The following ABCC6 variants were observed in gnomAD, a reference collection of about 807,000 sequenced individuals.
The protein encoded by ABCC6 is ATP-binding cassette sub-family C member 6.
Under a neutral mutation model 169.5 loss-of-function variants are expected in ABCC6, and 126 were observed. That is an observed-to-expected ratio of 0.74 (90% CI 0.64 to 0.86). The LOEUF (loss-of-function observed/expected upper bound fraction) is 0.86, where lower values mean the gene tolerates loss of function less well. Among genes scored for constraint, ABCC6 ranks in the 40% least tolerant of loss-of-function variants. The pLI is 0.00. For missense variants in ABCC6, 1,733 were observed against 1,927.2 expected (o/e 0.90, Z 1.89); for synonymous variants, 752 against 814.7 (o/e 0.92, Z 1.31).
intron 21 of ABCC6, among the ~76,000 whole-genome samples, chr16:16,172,064 AGTGG>A (rs1295203038): frequency 6.7e-3 from 113 of 16,810 alleles, no homozygotes; most frequent in African/African-American, 0.01. Context: ...TGGATAAATG[AGTGG>A]GTGGGATGGA....
In ABCC6 at chr16:16,203,390, A is replaced by G. The variant is rs2048303038; in HGVS notation, c.998+20T>C. ...AAGAGACCACCCACCTTAGCAGGGC[A>G]CTTGAGGTCTGGGACTCACCTGAGC... On this transcript the variant is annotated intron_variant, in intron 8 of 30. Transcript: ENST00000205557. 1 of 1,613,778 alleles carries G rather than the reference A, an allele frequency of 6.2e-7. No individual in the cohort carries two copies. The highest frequency in any genetic ancestry group is 1.3e-5 in the African/African-American group (1 of 74,916).
intron 4 of ABCC6, among the ~76,000 whole-genome samples, chr16:16,214,974 G>C (rs549686012): frequency 2.7e-4 from 41 of 152,172 alleles, no homozygotes; most frequent in Non-Finnish European, 4.8e-4. Flanking sequence ...CCAGGGCTGC[G>C]TCTGGGTTTT....
chr16:16,170,097 T>TC (rs143590070), intron 21 of ABCC6, among the ~76,000 whole-genome samples: 10 of 109,370 alleles, frequency 9.1e-5, no homozygotes, highest in African/African-American at 1.0e-4. Flanking sequence ...TTTTTTCTTT[T>TC]GTTTTTTTTT....
At chr16:16,208,971 C>G in intron 6 of ABCC6, 112 bp from the exon 7 acceptor site, 1 of 1,460,924 alleles carries the variant, frequency 6.8e-7, no homozygotes. Context: ...CTCTGTACCT[C>G]TACTGGCCCC....
In ABCC6 at chr16:16,192,587, G is replaced by A. The variant is rs564805100; in HGVS notation, c.1431+243C>T. Among the ~76,000 whole-genome samples, 94 of 152,286 alleles carry A rather than the reference G, an allele frequency of 6.2e-4. 2 individuals are homozygous for A. Among genetic ancestry groups the A allele is most frequent in the Admixed American group, 3.9e-3 (59 of 15,292 alleles). ...GCAAATCTGCTGACAGATGGGATGTGAGAGAAAAAGGCATTGAACTGACCC... is the reference window on the plus strand; with the variant it reads ...GCAAATCTGCTGACAGATGGGATGTAAGAGAAAAAGGCATTGAACTGACCC... On this transcript the variant is annotated intron_variant, in intron 11 of 30. Transcript: ENST00000205557.
intron 14 of ABCC6, among the ~76,000 whole-genome samples, chr16:16,186,850 A>G (rs1375658356): frequency 1.3e-5 from 2 of 152,056 alleles, no homozygotes; most frequent in African/African-American, 4.8e-5. Context: ...GGTGCCAAAA[A>G]GCTTGGGGAC....
chr16:16,152,019 T>C (rs891982371), intron 29 of ABCC6, among the ~76,000 whole-genome samples: 8 of 151,572 alleles, frequency 5.3e-5, no homozygotes, highest in African/African-American at 1.9e-4. Flanking sequence ...GGTGAAACCC[T>C]GTATGTACTA....
At position 16,208,860 on chromosome 16, in the gene ABCC6, C is replaced by A; in HGVS notation, c.663-1G>T. 1 of 1,613,486 alleles carries A rather than the reference C, an allele frequency of 6.2e-7. No homozygotes were observed. The highest frequency in any genetic ancestry group is 8.5e-7 in the Non-Finnish European group (1 of 1,179,736). On this transcript the variant is annotated splice_acceptor_variant, in intron 6 of 30. Coordinates refer to ENST00000205557, the MANE Select transcript of ABCC6 (RefSeq NM_001171.6). LOFTEE classifies it high-confidence loss of function. ...CCTCCTGTATCCCCTCCAGACCAGG[C>A]TGCAAAAGAGGGGCACCAGGGAAAG...
intron 11 of ABCC6, among the ~76,000 whole-genome samples, chr16:16,192,186 C>T (rs914842030): frequency 2.6e-5 from 4 of 152,074 alleles, no homozygotes; most frequent in East Asian, 1.9e-4. Context: ...ACAGCTAAAG[C>T]GAAGGCCTGC....
At position 16,157,658 on chromosome 16, in the gene ABCC6, C is replaced by T. The variant is rs774245200; in HGVS notation, c.3882+5G>A. 5.6e-5 allele frequency: 90 copies of T among 1,614,022 alleles called. No homozygotes were observed. Among genetic ancestry groups the T allele is most frequent in the Non-Finnish European group, 6.9e-5 (81 of 1,180,020 alleles). On this transcript the variant is annotated splice_donor_5th_base_variant and intron_variant, in intron 27 of 30. Transcript: ENST00000205557. ...TGAAGAAGACATTGTGAGAGAACCA[C>T]TCACCTTCTCTCCTGCGTGGATCTT...
chr16:16,169,178 A>G (rs936315205), intron 22 of ABCC6, among the ~76,000 whole-genome samples: 1 of 152,260 alleles, frequency 6.6e-6, no homozygotes, highest in African/African-American at 2.4e-5. Context: ...ATCAGTTTGC[A>G]AAATATCACC....
chr16:16,176,006 C>T lies in ABCC6; in HGVS notation c.2591-20G>A. The T allele has an allele frequency of 6.2e-7, 1 of 1,612,756 alleles. No homozygotes were observed. ...CTGTTTCTGCAAGGTCAAGAGAGTC[C>T]TGTCACGCAACACGGCCCAGATACC... is the stretch of plus-strand genomic sequence containing the variant. On this transcript the variant is annotated intron_variant, in intron 19 of 30. Transcript: ENST00000205557.
chr16:16,149,891 T>G lies in ABCC6; in HGVS notation c.*242A>C. On this transcript the variant is annotated 3_prime_UTR_variant, in exon 31 of 31. Transcript: ENST00000205557. ...GCGGGGCTGAGAGTCGCTGTTGACA[T>G]TGGCTGCAGGGTGGACAGGGCGAGA... 1.2e-5 allele frequency: 7 copies of G among 595,610 alleles called. No individual in the cohort carries two copies. Among genetic ancestry groups the G allele is most frequent in the Non-Finnish European group, 1.2e-5 (4 of 333,462 alleles). The allele number at this position is 595,610 out of a possible 1,614,324, so 36.9% of individuals were successfully genotyped here. A position where few individuals can be genotyped will look rare whatever the true frequency, so the allele number is the denominator to read the frequency against.
rs1348673801 is a variant in ABCC6 at position 16,169,832 on chromosome 16, C to T, written c.2809G>A (p.Ala937Thr). ...GGGGTGCCCACGGCACGCAGGTAGG[C>T]CAGGTGCACTGTGGCCTTCACCTGT... is the stretch of plus-strand genomic sequence containing the variant. ...YGRVKATVHL[A>T]YLRAVGTPLC... Residue 937 changes from alanine (A) to threonine (T), a missense_variant, in exon 22 of 31, where the codon GCC (alanine) becomes ACC (threonine). Around this residue, in one of 5 missense-constraint regions of ABCC6, gnomAD observed 1,601 missense variants for 1,635.5 expected, o/e 0.98. Coordinates refer to ENST00000205557, the MANE Select transcript of ABCC6 (RefSeq NM_001171.6). 3.9e-6 allele frequency: 6 copies of T among 1,556,390 alleles called. No homozygotes were observed. The highest frequency in any genetic ancestry group is 2.4e-5 in the South Asian group (2 of 84,548).
In ABCC6 at chr16:16,154,777, A is replaced by G. The variant is rs750674262; in HGVS notation, c.4059T>C (p.Pro1353=). ...SIIPQDPILF[P]GSLRMNLDLL... ...GGTCGAGGTTCATCCGCAGAGAGCC[A>G]GGGAACAGGATGGGGTCCTGGCGGG... The change falls in exon 29 of 31, where the codon CCT becomes CCC. Residue 1353 remains proline, a synonymous_variant. Transcript: ENST00000205557. The G allele has an allele frequency of 1.4e-5, 22 of 1,612,258 alleles. No individual in the cohort carries two copies. The highest frequency in any genetic ancestry group is 1.9e-5 in the Non-Finnish European group (22 of 1,179,420).
chr16:16,186,543 G>A (rs962193809), intron 14 of ABCC6, among the ~76,000 whole-genome samples: 3 of 151,238 alleles, frequency 2.0e-5, no homozygotes, highest in Non-Finnish European at 4.4e-5. Context: ...ATTCTCAAAG[G>A]AGCACGAACA....
chr16:16,150,814 G>A (rs761742555), intron 29 of ABCC6, 42 bp from the exon 30 acceptor site: 35 of 1,600,440 alleles, frequency 2.2e-5, no homozygotes, highest in East Asian at 6.8e-5. Context: ...TGCGTTTGTC[G>A]GCACATGGTG....
intron 20 of ABCC6, among the ~76,000 whole-genome samples, chr16:16,175,390 G>A (rs1414281554): frequency 6.6e-6 from 1 of 152,202 alleles, no homozygotes; most frequent in African/African-American, 2.4e-5. Context: ...AGGTCCTTCT[G>A]CTGCCGACAG....
rs200010958 is a variant in ABCC6 at position 16,157,721 on chromosome 16, C to T, written c.3824G>A (p.Arg1275Gln). The stretch of plus-strand genomic sequence containing the variant: ...CTGCACAGCCAGCGGGAGCTCAGGT[C>T]GGTATCTTAGCCCAAAGTCCCGGAA... ...IEFRDFGLRY[R>Q]PELPLAVQGV... Residue 1275 changes from arginine (R) to glutamine (Q), a missense_variant, in exon 27 of 31, where the codon CGA becomes CAA. Coordinates refer to ENST00000205557, the MANE Select transcript of ABCC6 (RefSeq NM_001171.6). 28 of 1,613,992 alleles carry T rather than the reference C, an allele frequency of 1.7e-5. No individual in the cohort carries two copies. The South Asian group carries it at 1.9e-4, about 11-fold the overall frequency.
Sources: allele counts gnomAD v4.1 joint callset (sites outside exome capture counted in the v4.1 genomes callset), GRCh38; gene constraint gnomAD v4.1.1; regional missense constraint gnomAD v4.1.1; transcripts MANE v1.5; gene names NCBI Gene and HGNC (gene_info 2026-07-23, HGNC 2026-07-21).